Variants in ZNF512 observed in about 807,000 individuals in gnomAD.
ZNF512 encodes the protein zinc finger protein 512.
A neutral mutation model predicts 77.5 loss-of-function variants in ZNF512; 25 were observed. That is an observed-to-expected ratio of 0.32 (90% CI 0.23 to 0.45). The LOEUF (loss-of-function observed/expected upper bound fraction) is 0.45. Among genes scored for constraint, ZNF512 ranks in the 20% least tolerant of loss-of-function variants. ZNF512 has a pLI of 1.00. For missense variants in ZNF512, 483 were observed against 692.6 expected, an observed-to-expected ratio of 0.70 and a Z score of 3.40; for synonymous variants, 246 against 239.9, an observed-to-expected ratio of 1.03 and a Z score of -0.24.
chr2:27,616,159 G>T, intron 11 of ZNF512, 103 bp from the exon 12 acceptor site: 1 of 769,688 alleles, frequency 1.3e-6, no homozygotes, highest in Non-Finnish European at 2.1e-6. Context: ...CAAATTATTG[G>T]TTTTCTTCCT....
chr2:27,596,454 A>G (rs1036182456), intron 2 of ZNF512, among the ~76,000 whole-genome samples: 2 of 152,098 alleles, frequency 1.3e-5, no homozygotes, highest in African/African-American at 4.8e-5. Flanking sequence ...TCTGGTCCAC[A>G]GGGACCTTTT....
At chr2:27,621,041 C>T in intron 13 of ZNF512, 112 bp from the exon 14 acceptor site, 1 of 1,204,488 alleles carries the variant, frequency 8.3e-7, no homozygotes, top group Non-Finnish European at 1.2e-6. Context: ...ATATCTGTTT[C>T]CTTCTTACTG....
At chr2:27,598,355 C>G in intron 3 of ZNF512, 101 bp downstream of exon 3, 1 of 1,278,260 alleles carries the variant, frequency 7.8e-7, no homozygotes, top group Non-Finnish European at 1.1e-6. Context: ...GGCGGCTGAG[C>G]GTGGTGGCTC....
rs564536687 is a variant in ZNF512 at position 27,592,242 on chromosome 2, C to G, written c.90-5825C>G. Among the ~76,000 whole-genome samples the G allele has an allele frequency of 3.3e-5, 5 of 152,240 alleles. No individual in the cohort carries two copies. The South Asian group carries it at 8.3e-4, about 25-fold the overall frequency. ...CTGGGCTCAAGGGATCTGCCTGCCT[C>G]AGCCTCCTAAAGTGCTGGGATTACA... On this transcript the variant is annotated intron_variant, in intron 2 of 13. Coordinates refer to ENST00000355467, the MANE Select transcript of ZNF512 (RefSeq NM_032434.4).
Position 27,621,629 on chromosome 2 carries a change from A to C in ZNF512, c.*168A>C. 1.5e-6 allele frequency: 1 copy of C among 689,404 alleles called. No individual in the cohort carries two copies. The highest frequency in any genetic ancestry group is 2.1e-5 in the South Asian group (1 of 47,430). The allele number at this position is 689,404 out of a possible 1,614,324, so 42.7% of individuals were successfully genotyped here. A position where few individuals can be genotyped will look rare whatever the true frequency, so the allele number is the denominator to read the frequency against. On this transcript the variant is annotated 3_prime_UTR_variant, in exon 14 of 14. Coordinates refer to ENST00000355467, the MANE Select transcript of ZNF512 (RefSeq NM_032434.4). ...CACTGTCTTCCCTTCTTACATTTTG[A>C]TTCCCCCCTCCCCTTTTAGTAGGTT...
chr2:27,614,738 T>G (rs1407852420), intron 10 of ZNF512, among the ~76,000 whole-genome samples: 1 of 151,926 alleles, frequency 6.6e-6, no homozygotes, highest in Non-Finnish European at 1.5e-5. Context: ...ATTTATACAC[T>G]TCTAACCTTT....
At chr2:27,596,678 G>A (rs571454346) in intron 2 of ZNF512, among the ~76,000 whole-genome samples, 7 of 152,320 alleles carry the variant, frequency 4.6e-5, no homozygotes, top group African/African-American at 1.7e-4. Context: ...TGAGCAGGAG[G>A]GGTGGGCCTT....
At chr2:27,605,897 A>C (rs1672332771) in intron 9 of ZNF512, among the ~76,000 whole-genome samples, 1 of 152,234 alleles carries the variant, frequency 6.6e-6, no homozygotes, top group South Asian at 2.1e-4. Flanking sequence ...ATTGTTTCCT[A>C]AAGTGGCTGT....
At chr2:27,591,864 G>T (rs1671601214) in intron 2 of ZNF512, among the ~76,000 whole-genome samples, 1 of 152,154 alleles carries the variant, frequency 6.6e-6, no homozygotes, top group Non-Finnish European at 1.5e-5. Flanking sequence ...GTACTGCCTT[G>T]TGGCATTCTT....
intron 11 of ZNF512, among the ~76,000 whole-genome samples, 178 bp downstream of exon 11, chr2:27,615,447 C>T (rs1396826739): frequency 2.0e-5 from 3 of 152,160 alleles, no homozygotes; most frequent in Non-Finnish European, 4.4e-5. Flanking sequence ...AGTTCTCCTG[C>T]GATATGTAGC....
At chr2:27,607,227 C>G (rs1672407996) in intron 9 of ZNF512, among the ~76,000 whole-genome samples, 1 of 152,116 alleles carries the variant, frequency 6.6e-6, no homozygotes, top group South Asian at 2.1e-4. Flanking sequence ...CATTTTCTCC[C>G]TTGCTGTCTT....
chr2:27,603,588 A>ATT (rs1438667151), intron 9 of ZNF512, among the ~76,000 whole-genome samples: 1 of 30,200 alleles, frequency 3.3e-5, no homozygotes, highest in Non-Finnish European at 5.4e-5. Flanking sequence ...GTGTGTGTGT[A>ATT]TATTTTTTTT....
intron 2 of ZNF512, among the ~76,000 whole-genome samples, chr2:27,597,830 G>A (rs1398159774): frequency 6.6e-6 from 1 of 152,196 alleles, no homozygotes; most frequent in Non-Finnish European, 1.5e-5. Flanking sequence ...TACTTGGGCT[G>A]CAAAGTGATC....
At chr2:27,598,351 T>C (rs1450671934) in intron 3 of ZNF512, 97 bp downstream of exon 3, 1 of 1,319,432 alleles carries the variant, frequency 7.6e-7, no homozygotes, top group African/African-American at 1.5e-5. Flanking sequence ...AAATGGCGGC[T>C]GAGCGTGGTG....
At chr2:27,618,101 G>A (rs1358104592) in intron 13 of ZNF512, among the ~76,000 whole-genome samples, 1 of 152,048 alleles carries the variant, frequency 6.6e-6, no homozygotes, top group East Asian at 1.9e-4. Context: ...TGTATTTTCA[G>A]TAGAGATGGG....
intron 6 of ZNF512, 46 bp downstream of exon 6, chr2:27,600,861 A>G (rs1378557366): frequency 1.8e-5 from 29 of 1,594,664 alleles, no homozygotes; most frequent in Non-Finnish European, 2.4e-5. Flanking sequence ...TTTTTACCCA[A>G]ACTTTAGACT....
chr2:27,612,568 A>T (rs891778357), intron 10 of ZNF512, among the ~76,000 whole-genome samples: 1 of 151,852 alleles, frequency 6.6e-6, no homozygotes, highest in Non-Finnish European at 1.5e-5. Context: ...ATCCAACACC[A>T]CAAGTTTCCT....
intron 2 of ZNF512, among the ~76,000 whole-genome samples, chr2:27,585,442 C>G (rs1671284756): frequency 6.6e-6 from 1 of 152,160 alleles, no homozygotes; most frequent in African/African-American, 2.4e-5. Flanking sequence ...ATTAGGCCCC[C>G]ATCCATTAAC....
intron 2 of ZNF512, among the ~76,000 whole-genome samples, chr2:27,592,951 C>T (rs557101050): frequency 0.011 from 1,620 of 151,958 alleles, 15 homozygotes; most frequent in Non-Finnish European, 0.015. Context: ...TCCCAAAGTG[C>T]TGGGATTACA....
Sources: gnomAD v4.1 joint callset for allele counts (sites outside exome capture counted in the v4.1 genomes callset) on GRCh38, gnomAD v4.1.1 for gene constraint, MANE v1.5 for transcripts, NCBI Gene and HGNC (gene_info 2026-07-23, HGNC 2026-07-21) for gene names.